SCLT1: variants seen among roughly 807,000 people sequenced by gnomAD.
SCLT1 encodes sodium channel-associated protein 1.
SCLT1 carries 78 observed loss-of-function variants against 112.8 expected under a neutral mutation model. The ratio of observed to expected loss-of-function variants is 0.69; its 90% CI spans 0.58 to 0.83. The LOEUF is 0.83. Ranked by LOEUF, SCLT1 falls within the 40% of genes least tolerant of loss-of-function variation. SCLT1 has a pLI of 0.00. For missense variants in SCLT1, 747 were observed against 770.4 expected (o/e 0.97, Z 0.36); for synonymous variants, 257 against 254.7 (o/e 1.01, Z -0.09).
chr4:129,042,230 T>C (rs1281329801), intron 4 of SCLT1, among the ~76,000 whole-genome samples: 1 of 152,228 alleles, frequency 6.6e-6, no homozygotes, highest in Non-Finnish European at 1.5e-5. Context: ...TTGAGTCATA[T>C]AAGTTCTATT....
chr4:128,945,160 CAG>C (rs1326934732), intron 16 of SCLT1, among the ~76,000 whole-genome samples: 1 of 152,124 alleles, frequency 6.6e-6, no homozygotes, highest in Non-Finnish European at 1.5e-5. Context: ...ACTCATAATG[CAG>C]AGACACCATG....
At position 128,970,402 on chromosome 4, in the gene SCLT1, A is replaced by T. The variant is rs1740590309; in HGVS notation, c.753T>A (p.Asp251Glu). ...CCTTCTTTTTCATCTGTCCCTGCAG[A>T]TCTTCAGTCACATTAGTTAACTCTT... The part of the protein sequence containing the change: ...KVEELTNVTE[D>E]LQGQMKKKEK... The change falls in exon 10 of 21, where the codon GAT (aspartate) becomes GAA (glutamate). Residue 251 changes from aspartate to glutamate, a missense_variant. Asp to Glu is a conservative substitution (Grantham distance 45). Around this residue, in one of 2 missense-constraint regions of SCLT1, gnomAD observed 723 missense variants for 721.3 expected, o/e 1.00. Transcript: ENST00000281142. 6.2e-7 allele frequency: 1 copy of T among 1,600,752 alleles called. No individual in the cohort carries two copies. Among genetic ancestry groups the T allele is most frequent in the Non-Finnish European group, 8.6e-7 (1 of 1,168,576 alleles).
At chr4:128,942,246 G>C (rs1302354793) in intron 17 of SCLT1, among the ~76,000 whole-genome samples, 1 of 152,022 alleles carries the variant, frequency 6.6e-6, no homozygotes, top group Non-Finnish European at 1.5e-5. Flanking sequence ...ACATGAATTA[G>C]GTTGGAATAT....
At chr4:129,034,948 T>C (rs1747051910) in intron 5 of SCLT1, among the ~76,000 whole-genome samples, 1 of 152,130 alleles carries the variant, frequency 6.6e-6, no homozygotes, top group Admixed American at 6.5e-5. Flanking sequence ...TCTTTATCAG[T>C]ACACTTAGGC....
rs193027872 is a variant in SCLT1, at chr4:128,986,617, C to T, written c.686+5550G>A. 4.7e-3 allele frequency among the ~76,000 whole-genome samples: 709 copies of T among 152,216 alleles called. 23 individuals carry two copies. The highest frequency in any genetic ancestry group is 0.041 in the Admixed American group (634 of 15,280). On this transcript the variant is annotated intron_variant, in intron 9 of 20. Coordinates refer to ENST00000281142, the MANE Select transcript of SCLT1 (RefSeq NM_144643.4). ...AGGACTGTGTCTTGCAACTTGAGGACGAGCTCAGCCACAGTAAAGGCACCA... is the reference window on the plus strand; with the variant it reads ...AGGACTGTGTCTTGCAACTTGAGGATGAGCTCAGCCACAGTAAAGGCACCA...
chr4:129,036,391 T>C (rs1335345375), intron 5 of SCLT1, among the ~76,000 whole-genome samples: 1 of 152,076 alleles, frequency 6.6e-6, no homozygotes, highest in Non-Finnish European at 1.5e-5. Context: ...AACCATAAAA[T>C]ACCTTGTCTA....
intron 4 of SCLT1, chr4:128,874,708 T>C (rs1222432479): frequency 1.3e-5 from 2 of 152,606 alleles, no homozygotes; most frequent in Non-Finnish European, 2.9e-5. Context: ...TTGCGTTCTA[T>C]TAGTATGGAA....
At chr4:129,086,867 GC>G (rs1752438268) in intron 1 of SCLT1, among the ~76,000 whole-genome samples, 1 of 151,988 alleles carries the variant, frequency 6.6e-6, no homozygotes, top group Admixed American at 6.6e-5. Context: ...AAAAAGTAGG[GC>G]AACTTGAATA....
intron 10 of SCLT1, among the ~76,000 whole-genome samples, 197 bp downstream of exon 10, chr4:128,970,181 A>G (rs1740568142): frequency 6.6e-6 from 1 of 152,192 alleles, no homozygotes; most frequent in African/African-American, 2.4e-5. Context: ...ATTAGGCTAT[A>G]GAGAATGGAA....
chr4:129,062,104 G>C (rs1396829232), intron 2 of SCLT1, among the ~76,000 whole-genome samples: 1 of 152,136 alleles, frequency 6.6e-6, no homozygotes, highest in Non-Finnish European at 1.5e-5. Context: ...GTTAATGCAG[G>C]CTGCTGAGAT....
intron 2 of SCLT1, among the ~76,000 whole-genome samples, chr4:129,060,707 T>C (rs1327818817): frequency 6.6e-6 from 1 of 152,156 alleles, no homozygotes; most frequent in Non-Finnish European, 1.5e-5. Flanking sequence ...GGTCCTCCTA[T>C]ATTTAATTTC....
At chr4:129,073,518 C>T (rs993963290) in intron 2 of SCLT1, among the ~76,000 whole-genome samples, 7 of 152,126 alleles carry the variant, frequency 4.6e-5, no homozygotes, top group Admixed American at 4.6e-4. Context: ...GCTAATTGAT[C>T]TACCCATCAT....
chr4:128,964,517 A>C (rs1740007484), intron 11 of SCLT1, among the ~76,000 whole-genome samples: 1 of 152,216 alleles, frequency 6.6e-6, no homozygotes, highest in Admixed American at 6.5e-5. Flanking sequence ...TCAGCTTGCA[A>C]GATTTTTCTG....
chr4:129,087,903 T>G (rs1037083554), intron 1 of SCLT1, among the ~76,000 whole-genome samples: 1 of 150,628 alleles, frequency 6.6e-6, no homozygotes, highest in Non-Finnish European at 1.5e-5. Flanking sequence ...CTGGGAAACA[T>G]AGGGAGACCC....
intron 2 of SCLT1, among the ~76,000 whole-genome samples, chr4:129,057,016 A>C (rs1749462441): frequency 6.6e-6 from 1 of 152,126 alleles, no homozygotes. Flanking sequence ...TTTTACACCT[A>C]ATGTGTTGAA....
Position 128,965,208 on chromosome 4 carries a change from G to T in SCLT1, c.869+19C>A. 3.2e-6 allele frequency: 4 copies of T among 1,239,108 alleles called. No individual in the cohort carries two copies. Among genetic ancestry groups the T allele is most frequent in the Non-Finnish European group, 4.7e-6 (4 of 844,734 alleles). 76.8% of individuals were successfully genotyped at this position (1,239,108 alleles called of 1,614,324 possible). ...CTTTTAAAGCATATCAACAAAGCTA[G>T]GTGCATTTAACAATTTACCTTATTT... On this transcript the variant is annotated intron_variant, in intron 11 of 20. Transcript: ENST00000281142.
At chr4:128,952,489 C>A in intron 14 of SCLT1, 1 of 534,436 alleles carries the variant, frequency 1.9e-6, no homozygotes, top group Non-Finnish European at 3.6e-6. Flanking sequence ...ATAAACTCAG[C>A]ATATGATAGG....
In SCLT1 at chr4:128,891,112, G is replaced by A; in HGVS notation, c.1855C>T (p.His619Tyr). The A allele has an allele frequency of 6.2e-7, 1 of 1,612,814 alleles. No individual in the cohort carries two copies. Among genetic ancestry groups the A allele is most frequent in the Non-Finnish European group, 8.5e-7 (1 of 1,179,292 alleles). The change falls in exon 19 of 21, where the codon CAT becomes TAT. Residue 619 changes from histidine to tyrosine, a missense_variant. His to Tyr is a moderately conservative substitution (Grantham distance 83, BLOSUM62 2). Around this residue, in one of 2 missense-constraint regions of SCLT1, gnomAD observed 723 missense variants for 721.3 expected, o/e 1.00. Transcript: ENST00000281142. Reference protein sequence around the residue: ...LKSELSRQKLHTQELLSQLEM... With the variant: ...LKSELSRQKLYTQELLSQLEM... Reference sequence around the variant, plus strand: ...AGCTGAGAAAGCAGCTCTTGGGTATGAAGTTTCTGTCGACTCAGCTCACTC... The same window carrying A: ...AGCTGAGAAAGCAGCTCTTGGGTATAAAGTTTCTGTCGACTCAGCTCACTC...
chr4:128,904,323 G>A (rs1056134672), intron 18 of SCLT1, among the ~76,000 whole-genome samples: 4 of 152,094 alleles, frequency 2.6e-5, no homozygotes, highest in African/African-American at 9.7e-5. Context: ...TCATGTTTAT[G>A]TGACAGAAAA....
Sources: gnomAD v4.1 joint callset for allele counts (sites outside exome capture counted in the v4.1 genomes callset) on GRCh38, gnomAD v4.1.1 for gene constraint, gnomAD v4.1.1 regional missense constraint, MANE v1.5 for transcripts, NCBI Gene and HGNC (gene_info 2026-07-23, HGNC 2026-07-21) for gene names.